RPAP2: variants seen among roughly 807,000 people sequenced by gnomAD.
The protein encoded by RPAP2 is RNA polymerase II associated protein 2.
In RPAP2, 52 loss-of-function variants were observed where a neutral mutation model predicts 73.1. That is an observed-to-expected ratio of 0.71 (90% CI 0.57 to 0.90). RPAP2 has a LOEUF of 0.90. Among genes scored for constraint, RPAP2 ranks in the 40% least tolerant of loss-of-function variants. The pLI, the probability that RPAP2 is intolerant of heterozygous loss-of-function variation, is 0.00. For synonymous variants in RPAP2, 225 were observed against 242.1 expected (o/e 0.93, Z 0.65); for missense variants, 598 against 701.8 (o/e 0.85, Z 1.67).
chr1:92,356,991 A>G (rs1363088149), intron 11 of RPAP2, among the ~76,000 whole-genome samples: 1 of 151,850 alleles, frequency 6.6e-6, no homozygotes, highest in Non-Finnish European at 1.5e-5. Context: ...GCTTGAACTC[A>G]GGAAGCAGAG....
chr1:92,385,451 T>C (rs1655828132), intron 12 of RPAP2, among the ~76,000 whole-genome samples: 1 of 152,206 alleles, frequency 6.6e-6, no homozygotes, highest in Non-Finnish European at 1.5e-5. Flanking sequence ...CAGATTACTT[T>C]GTCAGTATTA....
intron 11 of RPAP2, among the ~76,000 whole-genome samples, chr1:92,368,668 A>G (rs866426012): frequency 1.3e-5 from 2 of 152,326 alleles, no homozygotes; most frequent in Middle Eastern, 3.4e-3. Context: ...TATCTTGCCC[A>G]AACTTGGAAA....
At chr1:92,300,555 G>A (rs1173360454) in intron 2 of RPAP2, among the ~76,000 whole-genome samples, 1 of 152,092 alleles carries the variant, frequency 6.6e-6, no homozygotes, top group African/African-American at 2.4e-5. Context: ...TCCAAGTTTC[G>A]CTGTCACTCC....
At chr1:92,351,691 G>A (rs1442253052) in intron 11 of RPAP2, among the ~76,000 whole-genome samples, 2 of 152,114 alleles carry the variant, frequency 1.3e-5, no homozygotes, top group Non-Finnish European at 2.9e-5. Context: ...ACAGGGAAAC[G>A]TCCAGACCAA....
intron 11 of RPAP2, among the ~76,000 whole-genome samples, chr1:92,348,252 C>T (rs1277354555): frequency 6.6e-6 from 1 of 152,178 alleles, no homozygotes; most frequent in Non-Finnish European, 1.5e-5. Flanking sequence ...CACCTTGCAT[C>T]CCTTCTCTCT....
Position 92,323,905 on chromosome 1 carries a change from ATAAG to A in RPAP2, c.990_993del (p.Ser330ArgfsTer40), listed in dbSNP as rs745309721. 11 of 1,614,182 alleles carry A rather than the reference ATAAG, an allele frequency of 6.8e-6. No homozygotes were observed. In the South Asian group the frequency reaches 1.2e-4, roughly 18 times the overall value. On this transcript the variant is annotated frameshift_variant, in exon 8 of 13. Coordinates refer to ENST00000610020, the MANE Select transcript of RPAP2 (RefSeq NM_024813.3). LOFTEE classifies it high-confidence loss of function. ...TAGGTCAGAAATAACTCTAGTAGGC[ATAAG>A]TAAGAAAAGTGCAGAGCATTTTAAG...
chr1:92,363,923 G>T (rs1325811519), intron 11 of RPAP2, among the ~76,000 whole-genome samples: 2 of 152,002 alleles, frequency 1.3e-5, no homozygotes, highest in African/African-American at 4.8e-5. Flanking sequence ...GACTGCTTAT[G>T]TTGTCTCTAA....
At chr1:92,373,102 G>C (rs1655221206) in intron 11 of RPAP2, among the ~76,000 whole-genome samples, 1 of 152,162 alleles carries the variant, frequency 6.6e-6, no homozygotes, top group Non-Finnish European at 1.5e-5. Flanking sequence ...ACATTCTTTT[G>C]GATGGAGATA....
Position 92,398,516 on chromosome 1 carries a change from T to C in RPAP2, c.*11505T>C, listed in dbSNP as rs1656240986. On this transcript the variant is annotated 3_prime_UTR_variant, in exon 13 of 13. Coordinates refer to ENST00000610020, the MANE Select transcript of RPAP2 (RefSeq NM_024813.3). ...GTGGTACTATTCTGAAATCTGAAAA[T>C]CTTTAGTAGCCTCACATTATAAGCC... The C allele has an allele frequency of 2.6e-5, 4 of 152,114 alleles. No homozygotes were observed. The South Asian group carries it at 8.3e-4, about 32-fold the overall frequency. The allele number at this position is 152,114 out of a possible 1,614,324, so 9.4% of individuals were successfully genotyped here.
chr1:92,303,920 T>C (rs1651031637), intron 3 of RPAP2, 57 bp from the exon 4 acceptor site: 3 of 1,169,402 alleles, frequency 2.6e-6, no homozygotes, highest in Non-Finnish European at 1.3e-6. Context: ...CTTAGAGAGC[T>C]GATAAATGAA....
intron 10 of RPAP2, among the ~76,000 whole-genome samples, chr1:92,342,782 A>G (rs922729636): frequency 6.6e-6 from 1 of 152,262 alleles, no homozygotes; most frequent in African/African-American, 2.4e-5. Context: ...AAGTTTAACC[A>G]TAAGATTTGT....
chr1:92,305,259 C>T (rs1651125367), intron 5 of RPAP2, among the ~76,000 whole-genome samples: 1 of 151,626 alleles, frequency 6.6e-6, no homozygotes, highest in Non-Finnish European at 1.5e-5. Flanking sequence ...AGTGAAATCC[C>T]ATCTCTACTA....
chr1:92,351,305 CAAAAAAAAAAAAAA>C (rs60111119), intron 11 of RPAP2, among the ~76,000 whole-genome samples: 1 of 86,838 alleles, frequency 1.2e-5, no homozygotes, highest in Admixed American at 1.5e-4. Context: ...GACTCTGTCT[CAAAAAAAAAAAAAA>C]AAAAAAAAAG....
chr1:92,309,397 G>A (rs891565524), intron 6 of RPAP2, among the ~76,000 whole-genome samples: 3 of 150,806 alleles, frequency 2.0e-5, no homozygotes, highest in Non-Finnish European at 2.9e-5. Flanking sequence ...AGCTGAGATC[G>A]TGCCACTGCA....
intron 11 of RPAP2, among the ~76,000 whole-genome samples, chr1:92,371,566 G>GTA (rs1655156238): frequency 6.6e-6 from 1 of 151,458 alleles, no homozygotes; most frequent in Admixed American, 6.6e-5. Flanking sequence ...AGAAAATATG[G>GTA]TATATATATT....
chr1:92,325,435 A>G (rs990379640), intron 8 of RPAP2, among the ~76,000 whole-genome samples: 3 of 152,148 alleles, frequency 2.0e-5, no homozygotes, highest in African/African-American at 7.2e-5. Flanking sequence ...AAGCTAGGAG[A>G]AACATTGATC....
chr1:92,358,816 A>G (rs1654607433), intron 11 of RPAP2, among the ~76,000 whole-genome samples: 1 of 152,120 alleles, frequency 6.6e-6, no homozygotes. Flanking sequence ...TTGAACTCCT[A>G]AACTTAAGTG....
intron 11 of RPAP2, among the ~76,000 whole-genome samples, chr1:92,353,161 A>G (rs1245202743): frequency 2.6e-5 from 4 of 152,202 alleles, no homozygotes; most frequent in South Asian, 4.1e-4. Context: ...ATTCATGTAC[A>G]GATTTTTTTG....
At chr1:92,307,712 A>G (rs951040907) in intron 6 of RPAP2, among the ~76,000 whole-genome samples, 8 of 128,202 alleles carry the variant, frequency 6.2e-5, no homozygotes, top group Non-Finnish European at 9.4e-5. Flanking sequence ...ATTTAAAGAC[A>G]CAATTAAAAA....
Sources: allele counts gnomAD v4.1 joint callset (sites outside exome capture counted in the v4.1 genomes callset), GRCh38; gene constraint gnomAD v4.1.1; transcripts MANE v1.5; gene names NCBI Gene and HGNC (gene_info 2026-07-23, HGNC 2026-07-21).